ANO4: variants seen among roughly 807,000 people sequenced by gnomAD.
ANO4 encodes anoctamin-4.
ANO4 carries 69 observed loss-of-function variants against 141.9 expected under a neutral mutation model. The ratio of observed to expected loss-of-function variants is 0.49; its 90% CI spans 0.40 to 0.59. The LOEUF is 0.59. Among genes scored for constraint, ANO4 ranks in the 20% least tolerant of loss-of-function variants. ANO4 has a pLI of 0.00. For missense variants in ANO4, 894 were observed against 1,162.2 expected, an observed-to-expected ratio of 0.77 and a Z score of 3.36; for synonymous variants, 350 against 394.3, an observed-to-expected ratio of 0.89 and a Z score of 1.33.
chr12:101,004,547 A>G (rs1229085518), intron 8 of ANO4, among the ~76,000 whole-genome samples: 3 of 152,328 alleles, frequency 2.0e-5, no homozygotes, highest in East Asian at 3.9e-4. Flanking sequence ...CTGACAGAGC[A>G]TATCAGAGAG....
chr12:100,724,323 G>C (rs2136748520), intron 1 of ANO4, among the ~76,000 whole-genome samples: 1 of 152,300 alleles, frequency 6.6e-6, no homozygotes, highest in African/African-American at 2.4e-5. Flanking sequence ...GGAGGCTTTG[G>C]CAAACATTTC....
intron 8 of ANO4, among the ~76,000 whole-genome samples, chr12:101,009,571 C>T (rs1336942058): frequency 1.3e-5 from 2 of 152,050 alleles, no homozygotes; most frequent in Middle Eastern, 3.2e-3. Flanking sequence ...AATATTCCTG[C>T]TGAGAACTTC....
At chr12:101,115,765 A>G (rs151015042) in intron 24 of ANO4, among the ~76,000 whole-genome samples, 1 of 152,310 alleles carries the variant, frequency 6.6e-6, no homozygotes, top group Non-Finnish European at 1.5e-5. Context: ...GGAATTATTG[A>G]CAGAATGATT....
At chr12:100,926,955 G>A (rs2041900585) in intron 3 of ANO4, among the ~76,000 whole-genome samples, 1 of 152,084 alleles carries the variant, frequency 6.6e-6, no homozygotes, top group African/African-American at 2.4e-5. Flanking sequence ...CCTGGCCTGA[G>A]AAAGGAACTT....
rs143899603 is a variant in ANO4 at position 100,761,901 on chromosome 12, C to T, written c.358+21796C>T. On this transcript the variant is annotated intron_variant, in intron 3 of 29. Coordinates refer to the ANO4 transcript ENST00000644049. ...TGAATCTCTCCCCACCCACCTGTACCCATGGCTCCAAAGCTGCCCTTCTTT... is the reference window on the plus strand; with the variant it reads ...TGAATCTCTCCCCACCCACCTGTACTCATGGCTCCAAAGCTGCCCTTCTTT... Among the ~76,000 whole-genome samples the T allele has an allele frequency of 5.6e-3, 854 of 152,262 alleles. 10 individuals carry two copies. Among genetic ancestry groups the T allele is most frequent in the African/African-American group, 0.02 (830 of 41,534 alleles).
At chr12:100,777,345 C>T (rs943002836) in intron 3 of ANO4, among the ~76,000 whole-genome samples, 6 of 146,040 alleles carry the variant, frequency 4.1e-5, no homozygotes, top group African/African-American at 1.3e-4. Flanking sequence ...TCTCGAGCTC[C>T]GGACCTCAGG....
intron 8 of ANO4, among the ~76,000 whole-genome samples, chr12:101,002,049 C>G (rs1304582457): frequency 6.6e-6 from 1 of 152,144 alleles, no homozygotes; most frequent in African/African-American, 2.4e-5. Context: ...CCCACCATCA[C>G]CACCAAATCC....
intron 1 of ANO4, among the ~76,000 whole-genome samples, chr12:100,899,682 A>G (rs936201722): frequency 2.0e-5 from 3 of 152,090 alleles, no homozygotes; most frequent in Non-Finnish European, 4.4e-5. Context: ...ATTTAAGGTG[A>G]CCCTTCTTAC....
intron 3 of ANO4, among the ~76,000 whole-genome samples, chr12:100,765,056 G>A (rs1471919328): frequency 6.6e-6 from 1 of 152,108 alleles, no homozygotes; most frequent in Non-Finnish European, 1.5e-5. Context: ...TTAAATGTTT[G>A]GTAGACTTTA....
At chr12:100,942,581 C>A in intron 5 of ANO4, 46 bp downstream of exon 5, 1 of 1,567,812 alleles carries the variant, frequency 6.4e-7, no homozygotes, top group South Asian at 1.2e-5. Context: ...CATATCTATT[C>A]ATATGAAGAG....
chr12:100,918,210 C>T (rs1451120102), intron 2 of ANO4, among the ~76,000 whole-genome samples: 1 of 152,112 alleles, frequency 6.6e-6, no homozygotes, highest in East Asian at 1.9e-4. Flanking sequence ...ACCTGTAGCC[C>T]TTGGCTACTT....
chr12:101,015,625 T>TA (rs1402836997), intron 8 of ANO4, among the ~76,000 whole-genome samples: 1 of 152,158 alleles, frequency 6.6e-6, no homozygotes, highest in Non-Finnish European at 1.5e-5. Flanking sequence ...AATACATTTC[T>TA]AAAAAAAGAA....
chr12:100,836,891 T>G lies in ANO4; in HGVS notation c.-141+41864T>G, dbSNP rs867027629. Among the ~76,000 whole-genome samples, 7 of 152,190 alleles carry G rather than the reference T, an allele frequency of 4.6e-5. No individual in the cohort carries two copies. In the South Asian group the frequency reaches 6.2e-4, roughly 14 times the overall value. ...GGTTCCTGTGGATGAACCATCCAGG[T>G]GAAGACATCAGAATACAGTAAGAGT... is the stretch of plus-strand genomic sequence containing the variant. On this transcript the variant is annotated intron_variant, in intron 1 of 27. Transcript: ENST00000392977.
intron 26 of ANO4, among the ~76,000 whole-genome samples, chr12:101,121,290 T>C (rs1405871300): frequency 1.3e-5 from 2 of 152,110 alleles, no homozygotes; most frequent in African/African-American, 2.4e-5. Context: ...GTGTACCCAG[T>C]GTTTAGCTTC....
In ANO4 at chr12:100,887,046, A is replaced by T. The variant is rs561672452; in HGVS notation, c.-140-14600A>T. ...GGGACAATAGATTGCCTGTAAAAAA[A>T]TTTTTTAAACTACATTTTGCTCACT... On this transcript the variant is annotated intron_variant, in intron 1 of 27. Coordinates refer to ENST00000392977, the MANE Select transcript of ANO4 (RefSeq NM_001286615.2). Among the ~76,000 whole-genome samples, 160 of 152,290 alleles carry T rather than the reference A, an allele frequency of 1.1e-3. 1 individual carries two copies. The highest frequency in any genetic ancestry group is 5.8e-3 in the South Asian group (28 of 4,828).
chr12:100,974,282 G>A (rs376554425), intron 6 of ANO4, among the ~76,000 whole-genome samples: 3 of 152,096 alleles, frequency 2.0e-5, no homozygotes, highest in South Asian at 2.1e-4. Context: ...AGTGTGCCCC[G>A]GTGTGGTTAT....
At chr12:100,966,872 T>TACAC (rs1165381190) in intron 5 of ANO4, among the ~76,000 whole-genome samples, 4 of 116,228 alleles carry the variant, frequency 3.4e-5, no homozygotes, top group South Asian at 2.5e-4. Flanking sequence ...TATATATATA[T>TACAC]ACACACACAC....
chr12:100,975,010 A>G (rs2044100693), intron 7 of ANO4, 121 bp downstream of exon 7: 1 of 1,168,342 alleles, frequency 8.6e-7, no homozygotes, highest in Non-Finnish European at 1.3e-6. Context: ...GTTGGCTGCC[A>G]TGCACATTTT....
rs1319918243 is a variant in ANO4 at position 100,750,124 on chromosome 12, T to TTTTTTTC, written c.358+10032_358+10038dup. Among the ~76,000 whole-genome samples the TTTTTTTC allele has an allele frequency of 3.3e-5, 5 of 151,942 alleles. No homozygotes were observed. In the East Asian group the frequency reaches 9.7e-4, roughly 29 times the overall value. On this transcript the variant is annotated intron_variant, in intron 3 of 29. Transcript: ENST00000644049. ...GGTAGTGAGATTCTGCATTTCTTTT[T>TTTTTTTC]TTTTTTCTTTTTTCTTTTTCTTTTT...
Sources: gnomAD v4.1 joint callset for allele counts (sites outside exome capture counted in the v4.1 genomes callset) on GRCh38, gnomAD v4.1.1 for gene constraint, MANE v1.5 for transcripts, NCBI Gene and HGNC (gene_info 2026-07-23, HGNC 2026-07-21) for gene names.